The following CFHR2 variants were observed in gnomAD, a reference collection of about 807,000 sequenced individuals.
The protein encoded by CFHR2 is complement factor H related 2.
Under a neutral mutation model 21.7 loss-of-function variants are expected in CFHR2, and 22 were observed. The ratio of observed to expected loss-of-function variants is 1.01; its 90% CI spans 0.72 to 1.45. The LOEUF is 1.45. Ranked by LOEUF, CFHR2 falls within the 40% of genes most tolerant of loss-of-function variation. CFHR2 has a pLI of 0.00. For synonymous variants in CFHR2, 98 were observed against 97.4 expected, an observed-to-expected ratio of 1.01 and a Z score of -0.04; for missense variants, 294 against 293.3, an observed-to-expected ratio of 1.00 and a Z score of -0.02.
intron 1 of CFHR2, among the ~76,000 whole-genome samples, chr1:196,946,857 G>A (rs2125003024): frequency 6.6e-6 from 1 of 152,200 alleles, no homozygotes; most frequent in South Asian, 2.1e-4. Context: ...ACATTAACCA[G>A]TAACACTTCT....
chr1:196,954,291 T>A (rs1652783205), intron 3 of CFHR2, among the ~76,000 whole-genome samples: 1 of 152,240 alleles, frequency 6.6e-6, no homozygotes, highest in African/African-American at 2.4e-5. Context: ...TGACTCCTCG[T>A]CTCACATCCA....
chr1:196,944,750 G>A (rs1428925668), intron 1 of CFHR2, among the ~76,000 whole-genome samples: 1 of 151,842 alleles, frequency 6.6e-6, no homozygotes, highest in Non-Finnish European at 1.5e-5. Flanking sequence ...AATGTTTCCA[G>A]ACCTTTGAAC....
intron 3 of CFHR2, among the ~76,000 whole-genome samples, chr1:196,952,048 G>A (rs1182228101): frequency 6.6e-6 from 1 of 152,158 alleles, no homozygotes; most frequent in Non-Finnish European, 1.5e-5. Context: ...ATAGGAAATA[G>A]AATCCGTGGT....
At position 196,958,017 on chromosome 1, in the gene CFHR2, G is replaced by A. The variant is rs1228764174; in HGVS notation, c.557G>A (p.Gly186Asp). ...TGCCAGAACTTGTATCAACTTGAGGGTAACAATCAAATAACATGTAGAAAC... is the reference window on the plus strand; with the variant it reads ...TGCCAGAACTTGTATCAACTTGAGGATAACAATCAAATAACATGTAGAAAC... Reference protein sequence around the residue: ...YQCQNLYQLEGNNQITCRNGQ... With the variant: ...YQCQNLYQLEDNNQITCRNGQ... The change falls in exon 4 of 5, where the codon GGT becomes GAT. Residue 186 changes from glycine to aspartate, a missense_variant. Gly to Asp is a moderately conservative substitution (Grantham distance 94). Coordinates refer to ENST00000367415, the MANE Select transcript of CFHR2 (RefSeq NM_005666.4). 3.1e-6 allele frequency: 5 copies of A among 1,613,652 alleles called. No individual in the cohort carries two copies. The highest frequency in any genetic ancestry group is 4.2e-6 in the Non-Finnish European group (5 of 1,179,726).
At chr1:196,944,954 A>G (rs1659422604) in intron 1 of CFHR2, among the ~76,000 whole-genome samples, 1 of 149,478 alleles carries the variant, frequency 6.7e-6, no homozygotes, top group East Asian at 2.0e-4. Flanking sequence ...TCGGCTCACC[A>G]CAACTTCCAT....
intron 2 of CFHR2, 76 bp downstream of exon 2, chr1:196,949,725 A>T: frequency 6.4e-7 from 1 of 1,570,214 alleles, no homozygotes; most frequent in South Asian, 1.1e-5. Context: ...GATCATAAAC[A>T]CTTGATAATC....
chr1:196,956,653 A>AT lies in CFHR2; in HGVS notation c.431-1231dup, dbSNP rs552923491. Reference sequence around the variant, plus strand: ...GTGTGTTATTAAGCCTATCCAGAGGATTTTTTTAATTATTGTTTTACTATT... The same window carrying AT: ...GTGTGTTATTAAGCCTATCCAGAGGATTTTTTTTAATTATTGTTTTACTATT... On this transcript the variant is annotated intron_variant, in intron 3 of 4. Coordinates refer to ENST00000367415, the MANE Select transcript of CFHR2 (RefSeq NM_005666.4). Among the ~76,000 whole-genome samples, 75 of 152,040 alleles carry AT rather than the reference A, an allele frequency of 4.9e-4. 2 individuals carry two copies. Among genetic ancestry groups the AT allele is most frequent in the African/African-American group, 1.8e-3 (73 of 41,492 alleles).
At chr1:196,957,464 C>A (rs1431365962) in intron 3 of CFHR2, among the ~76,000 whole-genome samples, 4 of 150,022 alleles carry the variant, frequency 2.7e-5, no homozygotes, top group African/African-American at 9.8e-5. Context: ...CTTTTAGTTT[C>A]TATTAATTTG....
chr1:196,950,139 T>C (rs773432366), intron 2 of CFHR2, among the ~76,000 whole-genome samples: 2 of 152,148 alleles, frequency 1.3e-5, no homozygotes, highest in Non-Finnish European at 2.9e-5. Flanking sequence ...ATAACAGGTA[T>C]ATTAAAAGAG....
rs1249894546 is a variant in CFHR2 at position 196,959,184 on chromosome 1, C to T, written c.*104C>T. On this transcript the variant is annotated 3_prime_UTR_variant, in exon 5 of 5. Coordinates refer to ENST00000367415, the MANE Select transcript of CFHR2 (RefSeq NM_005666.4). ...AAGTACTGTTTTACTCATTTTTATTCATAAATAAAGTTTTGTGTTGATTTG... is the reference window on the plus strand; with the variant it reads ...AAGTACTGTTTTACTCATTTTTATTTATAAATAAAGTTTTGTGTTGATTTG... The T allele has an allele frequency of 4.7e-6, 4 of 856,390 alleles. No individual in the cohort carries two copies. The Admixed American group carries it at 1.3e-4, about 28-fold the overall frequency. The allele number at this position is 856,390 out of a possible 1,614,324, so 53.0% of individuals were successfully genotyped here.
intron 2 of CFHR2, 152 bp downstream of exon 2, chr1:196,949,801 C>CT (rs1571486612): frequency 1.0e-6 from 1 of 965,298 alleles, no homozygotes; most frequent in East Asian, 2.6e-5. Context: ...GAGATGGCTC[C>CT]TATGAGAATC....
chr1:196,954,964 C>T (rs781281720), intron 3 of CFHR2, among the ~76,000 whole-genome samples: 1 of 152,180 alleles, frequency 6.6e-6, no homozygotes, highest in Non-Finnish European at 1.5e-5. Flanking sequence ...AGTCATTTTC[C>T]CCATTGTCTT....
In CFHR2 at chr1:196,959,060, C is replaced by T. The variant is rs767481045; in HGVS notation, c.793C>T (p.Pro265Ser). 3.1e-6 allele frequency: 5 copies of T among 1,604,994 alleles called. No individual in the cohort carries two copies. Among genetic ancestry groups the T allele is most frequent in the Non-Finnish European group, 4.3e-6 (5 of 1,175,456 alleles). Residue 265 changes from proline (P) to serine (S), a missense_variant, in exon 5 of 5, where the codon CCC (proline) becomes TCC (serine). Coordinates refer to ENST00000367415, the MANE Select transcript of CFHR2 (RefSeq NM_005666.4). ...AMCQNGKLVYPSCEEK is the reference protein window; with the variant it reads ...AMCQNGKLVYSSCEEK The stretch of plus-strand genomic sequence containing the variant: ...GTGTCAGAATGGGAAACTGGTATAT[C>T]CCAGTTGTGAAGAAAAATAGAATCA...
Position 196,959,107 on chromosome 1 carries a change from T to C in CFHR2, c.*27T>C. On this transcript the variant is annotated 3_prime_UTR_variant, in exon 5 of 5. Transcript: ENST00000367415. ...ATCAATGGCATTACTATTAGTAAAA[T>C]GCACACCTTTTTCTGAATTTACTAT... 7.0e-7 allele frequency: 1 copy of C among 1,430,282 alleles called. No homozygotes were observed. The highest frequency in any genetic ancestry group is 9.7e-7 in the Non-Finnish European group (1 of 1,032,552). The allele number at this position is 1,430,282 out of a possible 1,614,324, so 88.6% of individuals were successfully genotyped here.
chr1:196,949,377 G>T (rs1234120372), intron 1 of CFHR2, 78 bp from the exon 2 acceptor site: 8 of 1,378,994 alleles, frequency 5.8e-6, no homozygotes, highest in Non-Finnish European at 5.9e-6. Context: ...AAAACTAAAT[G>T]AGATGATTAA....
intron 4 of CFHR2, among the ~76,000 whole-genome samples, chr1:196,958,393 AGTGT>A (rs111351996): frequency 1.1e-4 from 16 of 148,606 alleles, no homozygotes; most frequent in East Asian, 5.9e-4. Context: ...ATTGTGTGTA[AGTGT>A]GTGTGTGTGT....
intron 2 of CFHR2, 149 bp downstream of exon 2, chr1:196,949,798 C>T: frequency 2.0e-6 from 2 of 989,768 alleles, no homozygotes; most frequent in South Asian, 1.5e-5. Context: ...TTTGAGATGG[C>T]TCCTATGAGA....
intron 1 of CFHR2, among the ~76,000 whole-genome samples, chr1:196,948,104 A>G (rs80137467): frequency 0.019 from 2,824 of 152,166 alleles, 87 homozygotes; most frequent in African/African-American, 0.064. Context: ...GTGTATATGG[A>G]TGTATATATA....
intron 2 of CFHR2, among the ~76,000 whole-genome samples, chr1:196,950,645 GTATT>G (rs1659689741): frequency 6.6e-6 from 1 of 152,004 alleles, no homozygotes; most frequent in Non-Finnish European, 1.5e-5. Context: ...GCTAATTTTT[GTATT>G]TTTAGTAGAA....
Sources: allele counts gnomAD v4.1 joint callset (sites outside exome capture counted in the v4.1 genomes callset), GRCh38; gene constraint gnomAD v4.1.1; transcripts MANE v1.5; gene names NCBI Gene and HGNC (gene_info 2026-07-23, HGNC 2026-07-21).